Variants in ARHGAP24 observed in about 807,000 individuals in gnomAD.
The protein encoded by ARHGAP24 is rho GTPase-activating protein 24.
Under a neutral mutation model 76.4 loss-of-function variants are expected in ARHGAP24, and 50 were observed. The observed-to-expected ratio is 0.65, with a 90% confidence interval of 0.52 to 0.83. The LOEUF (loss-of-function observed/expected upper bound fraction) is 0.83, where lower values mean the gene tolerates loss of function less well. Among genes scored for constraint, ARHGAP24 ranks in the 40% least tolerant of loss-of-function variants. The pLI is 0.00. For synonymous variants in ARHGAP24, 345 were observed against 323.3 expected, an observed-to-expected ratio of 1.07 and a Z score of -0.72; for missense variants, 930 against 914.2, an observed-to-expected ratio of 1.02 and a Z score of -0.22.
intron 3 of ARHGAP24, among the ~76,000 whole-genome samples, chr4:85,741,831 C>CT (rs1466410911): frequency 6.6e-6 from 1 of 151,986 alleles, no homozygotes; most frequent in South Asian, 2.1e-4. Context: ...GGCACTGGTA[C>CT]TTTTTTTTCA....
chr4:85,614,311 G>C (rs539587298), intron 2 of ARHGAP24, among the ~76,000 whole-genome samples: 1 of 152,118 alleles, frequency 6.6e-6, no homozygotes, highest in South Asian at 2.1e-4. Flanking sequence ...ATTTCTCTGG[G>C]CTTAGTTTAT....
chr4:85,476,710 CA>C (rs916410679), intron 1 of ARHGAP24, among the ~76,000 whole-genome samples: 4 of 152,070 alleles, frequency 2.6e-5, no homozygotes, highest in Admixed American at 6.5e-5. Context: ...AACTCAAAAC[CA>C]ATCCTTCAGG....
At chr4:85,669,726 T>C (rs1329182332) in intron 2 of ARHGAP24, among the ~76,000 whole-genome samples, 4 of 145,668 alleles carry the variant, frequency 2.7e-5, no homozygotes, top group African/African-American at 5.1e-5. Context: ...AACTTCTATG[T>C]GAAGCATCAG....
chr4:85,937,595 A>G (rs942225549), intron 4 of ARHGAP24, among the ~76,000 whole-genome samples: 1 of 152,208 alleles, frequency 6.6e-6, no homozygotes, highest in Non-Finnish European at 1.5e-5. Context: ...TAAAGAGTGT[A>G]GTAGTTAGCA....
chr4:85,874,856 TATAAATATA>T lies in ARHGAP24; in HGVS notation c.269-48791_269-48783del, dbSNP rs1560688142. 1.6e-4 allele frequency among the ~76,000 whole-genome samples: 17 copies of T among 105,348 alleles called. 1 individual carries two copies. The highest frequency in any genetic ancestry group is 2.2e-4 in the Non-Finnish European group (13 of 59,492). 69.1% of individuals were successfully genotyped at this position (105,348 alleles called of 152,430 possible). ...AAAATATATTTTTATATAATTTATA[TATAAATATA>T]TTTTTATATAATTTATATATAAATA... On this transcript the variant is annotated intron_variant, in intron 3 of 9. Transcript: ENST00000395184.
In ARHGAP24 at chr4:85,475,313, G is replaced by A. The variant is rs990510539; in HGVS notation, c.-267G>A. On this transcript the variant is annotated 5_prime_UTR_variant, in exon 1 of 10. Transcript: ENST00000395184. ...GACCAGAGAGGAGCCTGGCGGGGGT[G>A]GCTGGGTGGCTGGGGGAATCCCCCC... 7 of 152,432 alleles carry A rather than the reference G, an allele frequency of 4.6e-5. No homozygotes were observed. Among genetic ancestry groups the A allele is most frequent in the African/African-American group, 1.4e-4 (6 of 41,420 alleles). The allele number at this position is 152,432 out of a possible 1,614,324, so 9.4% of individuals were successfully genotyped here.
chr4:85,658,257 A>AT (rs1288559966), intron 2 of ARHGAP24, among the ~76,000 whole-genome samples: 2 of 152,062 alleles, frequency 1.3e-5, no homozygotes, highest in Non-Finnish European at 2.9e-5. Context: ...TTCCCACTTC[A>AT]TTTTTTCTCT....
chr4:85,622,836 T>C (rs1193229429), intron 2 of ARHGAP24, among the ~76,000 whole-genome samples: 1 of 152,254 alleles, frequency 6.6e-6, no homozygotes, highest in East Asian at 1.9e-4. Flanking sequence ...TTTGCATTTT[T>C]CTGATGGCCA....
In ARHGAP24 at chr4:85,990,339, T is replaced by C. The variant is rs576490720; in HGVS notation, c.929-4244T>C. On this transcript the variant is annotated intron_variant, in intron 8 of 9. Coordinates refer to ENST00000395184, the MANE Select transcript of ARHGAP24 (RefSeq NM_001025616.3). ...TCATGTATTAGAATACTCAATATTA[T>C]TAAGCTATTAATTTTTCTAAAATTG... 1.8e-4 allele frequency: 27 copies of C among 151,936 alleles called. No individual in the cohort carries two copies. The South Asian group carries it at 5.0e-3, about 28-fold the overall frequency. The allele number at this position is 151,936 out of a possible 1,614,324, so 9.4% of individuals were successfully genotyped here.
intron 8 of ARHGAP24, among the ~76,000 whole-genome samples, chr4:85,983,150 C>T (rs771613861): frequency 2.0e-5 from 3 of 152,070 alleles, no homozygotes; most frequent in Admixed American, 6.6e-5. Context: ...GTATATGTAC[C>T]ATATTTTCTT....
At chr4:85,903,782 T>C (rs899237048) in intron 3 of ARHGAP24, among the ~76,000 whole-genome samples, 1 of 152,156 alleles carries the variant, frequency 6.6e-6, no homozygotes, top group Non-Finnish European at 1.5e-5. Context: ...ACTGCAGACA[T>C]TAGTATAATA....
Position 85,918,560 on chromosome 4 carries a change from A to C in ARHGAP24, c.269-5088A>C, listed in dbSNP as rs181163281. Among the ~76,000 whole-genome samples the C allele has an allele frequency of 6.8e-4, 103 of 152,188 alleles. 1 individual carries two copies. The highest frequency in any genetic ancestry group is 2.4e-3 in the African/African-American group (99 of 41,586). On this transcript the variant is annotated intron_variant, in intron 3 of 9. Transcript: ENST00000395184. ...TTTAGAATTAACTATGCATTATTTT[A>C]TGTTGATTTCTTTAACCTACCTTTT...
At chr4:85,565,081 T>C (rs1726785883) in intron 1 of ARHGAP24, among the ~76,000 whole-genome samples, 1 of 151,258 alleles carries the variant, frequency 6.6e-6, no homozygotes. Context: ...TAAGTTTTTG[T>C]AGTGTGAACA....
At chr4:85,519,705 C>T (rs1275199920) in intron 1 of ARHGAP24, among the ~76,000 whole-genome samples, 1 of 152,156 alleles carries the variant, frequency 6.6e-6, no homozygotes, top group Non-Finnish European at 1.5e-5. Context: ...ATATTCGTTT[C>T]TGAAGAGAAT....
intron 2 of ARHGAP24, among the ~76,000 whole-genome samples, chr4:85,691,736 A>G (rs147362337): frequency 6.6e-6 from 1 of 152,312 alleles, no homozygotes; most frequent in East Asian, 1.9e-4. Flanking sequence ...GTGTCATTAC[A>G]TGTAAGGTGA....
intron 2 of ARHGAP24, among the ~76,000 whole-genome samples, chr4:85,705,799 C>T (rs894874328): frequency 6.6e-6 from 1 of 152,114 alleles, no homozygotes; most frequent in Non-Finnish European, 1.5e-5. Context: ...TCTTCTATGG[C>T]TTCTCATGTT....
chr4:85,950,733 G>A (rs1737566089), intron 5 of ARHGAP24, among the ~76,000 whole-genome samples: 2 of 149,310 alleles, frequency 1.3e-5, no homozygotes, highest in Non-Finnish European at 3.0e-5. Context: ...GTGCAGTGGT[G>A]CAATCTTGGC....
chr4:85,631,042 G>C (rs1231760203), intron 2 of ARHGAP24, among the ~76,000 whole-genome samples: 2 of 152,016 alleles, frequency 1.3e-5, no homozygotes, highest in East Asian at 3.9e-4. Context: ...CTCTCACAGA[G>C]AGAGAGGGAG....
At chr4:85,908,347 CTGG>C (rs1191201887) in intron 3 of ARHGAP24, among the ~76,000 whole-genome samples, 1 of 152,094 alleles carries the variant, frequency 6.6e-6, no homozygotes, top group Admixed American at 6.5e-5. Context: ...TCACAAGGTC[CTGG>C]TGGATAGAAA....
Sources: allele counts gnomAD v4.1 joint callset (sites outside exome capture counted in the v4.1 genomes callset), GRCh38; gene constraint gnomAD v4.1.1; transcripts MANE v1.5; gene names NCBI Gene and HGNC (gene_info 2026-07-23, HGNC 2026-07-21).